C9orf153: variants seen among roughly 807,000 people sequenced by gnomAD.
C9orf153 encodes the protein uncharacterized protein C9orf153.
Under a neutral mutation model 9.0 loss-of-function variants are expected in C9orf153, and 10 were observed. That is an observed-to-expected ratio of 1.11 (90% CI 0.69 to 1.89). The LOEUF is 1.89. C9orf153 is among the 40% of genes most tolerant of loss of function. The pLI, the probability that C9orf153 is intolerant of heterozygous loss-of-function variation, is 0.00. For missense variants in C9orf153, 108 were observed against 111.0 expected, an observed-to-expected ratio of 0.97 and a Z score of 0.12; for synonymous variants, 35 against 37.3, an observed-to-expected ratio of 0.94 and a Z score of 0.23.
At position 86,231,572 on chromosome 9, in the gene C9orf153, C is replaced by A. The variant is rs199607555; in HGVS notation, c.-26-1943G>T. Among the ~76,000 whole-genome samples, 49 of 142,856 alleles carry A rather than the reference C, an allele frequency of 3.4e-4. No homozygotes were observed. In the East Asian group the frequency reaches 8.4e-3, roughly 24 times the overall value. 93.7% of individuals were successfully genotyped at this position (142,856 alleles called of 152,430 possible). A position where few individuals can be genotyped will look rare whatever the true frequency, so the allele number is the denominator to read the frequency against. On this transcript the variant is annotated intron_variant, in intron 1 of 3. Transcript: ENST00000339137. ...GAATGGATACACACACACACAAAAA[C>A]ACACACACACACATACACAAACATG...
chr9:86,227,324 T>A, intron 3 of C9orf153: 1 of 1,460,362 alleles, frequency 6.8e-7, no homozygotes, highest in Non-Finnish European at 9.0e-7. Context: ...TTTTTATTTA[T>A]TTATTTATTT....
intron 2 of C9orf153, 109 bp from the exon 3 acceptor site, chr9:86,228,139 C>T (rs111799383): frequency 1.3e-6 from 1 of 786,034 alleles, no homozygotes; most frequent in African/African-American, 1.8e-5. Context: ...ACCATAAAGA[C>T]AAAAGCATTT....
At chr9:86,224,719 A>T (rs1824280472) in intron 3 of C9orf153, among the ~76,000 whole-genome samples, 2 of 150,958 alleles carry the variant, frequency 1.3e-5, no homozygotes, top group Non-Finnish European at 1.5e-5. Context: ...CGAGGTCAGG[A>T]GATTGAGACT....
At chr9:86,225,271 C>A (rs971257068) in intron 3 of C9orf153, among the ~76,000 whole-genome samples, 2 of 152,094 alleles carry the variant, frequency 1.3e-5, no homozygotes, top group African/African-American at 4.8e-5. Context: ...TAAGGGATTA[C>A]TGGATACCCT....
intron 3 of C9orf153, among the ~76,000 whole-genome samples, chr9:86,223,217 T>G (rs550556474): frequency 6.6e-6 from 1 of 152,078 alleles, no homozygotes. Context: ...AAGAGCCTCA[T>G]GTCCCAAACT....
chr9:86,248,294 C>T (rs940065754), intron 1 of C9orf153, among the ~76,000 whole-genome samples: 5 of 151,882 alleles, frequency 3.3e-5, no homozygotes, highest in South Asian at 2.1e-4. Context: ...CCACCACCCC[C>T]GGCTAATTTT....
intron 1 of C9orf153, among the ~76,000 whole-genome samples, chr9:86,247,097 A>G (rs932302796): frequency 1.3e-5 from 2 of 152,236 alleles, no homozygotes; most frequent in African/African-American, 2.4e-5. Flanking sequence ...GACATCTGGT[A>G]GGACTACACA....
At chr9:86,238,612 C>A (rs1287560149) in intron 1 of C9orf153, among the ~76,000 whole-genome samples, 1 of 152,058 alleles carries the variant, frequency 6.6e-6, no homozygotes, top group Non-Finnish European at 1.5e-5. Context: ...ACAGTAGTCC[C>A]TAAGAGTTTG....
chr9:86,239,740 G>C (rs1221212127), intron 1 of C9orf153, among the ~76,000 whole-genome samples: 2 of 152,200 alleles, frequency 1.3e-5, no homozygotes, highest in African/African-American at 4.8e-5. Context: ...TCACTGAATT[G>C]TATGCTAAAA....
chr9:86,229,142 C>CT (rs2131177763), intron 2 of C9orf153, among the ~76,000 whole-genome samples: 1 of 151,032 alleles, frequency 6.6e-6, no homozygotes, highest in Non-Finnish European at 1.5e-5. Flanking sequence ...CACTGATAGT[C>CT]TTTTTTTCCA....
chr9:86,249,305 T>G (rs1222816889), intron 1 of C9orf153, among the ~76,000 whole-genome samples: 1 of 151,982 alleles, frequency 6.6e-6, no homozygotes, highest in Non-Finnish European at 1.5e-5. Flanking sequence ...AGAGCAGGAG[T>G]CTTCCTTCCT....
rs1326716804 is a variant in C9orf153 at position 86,220,858 on chromosome 9, T to A, written c.*830A>T. The A allele has an allele frequency of 2.0e-5, 3 of 152,180 alleles. No individual in the cohort carries two copies. The highest frequency in any genetic ancestry group is 2.9e-5 in the Non-Finnish European group (2 of 68,042). 9.4% of individuals were successfully genotyped at this position (152,180 alleles called of 1,614,324 possible). A position where few individuals can be genotyped will look rare whatever the true frequency, so the allele number is the denominator to read the frequency against. ...TTCTCATTCTACCGTCCAATACTCTTATTTTTCTGTCTTACAGTGCTATGA... is the reference window on the plus strand; with the variant it reads ...TTCTCATTCTACCGTCCAATACTCTAATTTTTCTGTCTTACAGTGCTATGA... On this transcript the variant is annotated 3_prime_UTR_variant, in exon 4 of 4. Transcript: ENST00000339137.
chr9:86,244,719 C>T (rs1195321059), intron 1 of C9orf153, among the ~76,000 whole-genome samples: 2 of 152,148 alleles, frequency 1.3e-5, no homozygotes, highest in Non-Finnish European at 2.9e-5. Flanking sequence ...ACCACTGAAG[C>T]CTTCTGTCTC....
At chr9:86,239,573 G>T (rs1414844883) in intron 1 of C9orf153, among the ~76,000 whole-genome samples, 2 of 152,194 alleles carry the variant, frequency 1.3e-5, no homozygotes, top group Non-Finnish European at 2.9e-5. Context: ...GGGCCTGGAT[G>T]GCTGGACTGG....
intron 1 of C9orf153, among the ~76,000 whole-genome samples, chr9:86,256,036 T>G (rs955482628): frequency 3.3e-5 from 5 of 152,276 alleles, no homozygotes; most frequent in African/African-American, 1.2e-4. Flanking sequence ...CAGCTTTGCT[T>G]GACGCAGTGA....
intron 2 of C9orf153, 69 bp from the exon 3 acceptor site, chr9:86,228,099 ACCCT>A: frequency 8.6e-7 from 1 of 1,160,040 alleles, no homozygotes; most frequent in Admixed American, 2.7e-5. Flanking sequence ...AGACCTACAA[ACCCT>A]AGAAAAAACC....
Position 86,229,519 on chromosome 9 carries a change from T to A in C9orf153, c.66+19A>T. ...AAAGCTCCCTGTGTACACCTCGTTG[T>A]ACAATGTTAAGTACATACTGAACAT... On this transcript the variant is annotated intron_variant, in intron 2 of 3. Transcript: ENST00000339137. 1 of 1,556,630 alleles carries A rather than the reference T, an allele frequency of 6.4e-7. No individual in the cohort carries two copies. Among genetic ancestry groups the A allele is most frequent in the Non-Finnish European group, 8.9e-7 (1 of 1,128,822 alleles).
intron 1 of C9orf153, among the ~76,000 whole-genome samples, chr9:86,236,884 T>A (rs1170160363): frequency 1.3e-5 from 2 of 151,352 alleles, no homozygotes; most frequent in African/African-American, 4.9e-5. Context: ...GAGGATCGTT[T>A]GAACCTAGGA....
intron 1 of C9orf153, among the ~76,000 whole-genome samples, chr9:86,248,663 C>G (rs1000033238): frequency 6.6e-6 from 1 of 152,090 alleles, no homozygotes; most frequent in Non-Finnish European, 1.5e-5. Context: ...GATATTTACA[C>G]CCCCTGCTGG....
Sources: allele counts gnomAD v4.1 joint callset (sites outside exome capture counted in the v4.1 genomes callset), GRCh38; gene constraint gnomAD v4.1.1; transcripts MANE v1.5; gene names NCBI Gene and HGNC (gene_info 2026-07-23, HGNC 2026-07-21).